Variants in SEMA5B observed in about 807,000 individuals in gnomAD.
SEMA5B encodes semaphorin-5B.
In SEMA5B, 66 loss-of-function variants were observed where a neutral mutation model predicts 135.0. That is an observed-to-expected ratio of 0.49 (90% CI 0.40 to 0.60). The LOEUF (loss-of-function observed/expected upper bound fraction) is 0.60. Ranked by LOEUF, SEMA5B falls within the 20% of genes least tolerant of loss-of-function variation. The pLI is 0.00. For missense variants in SEMA5B, 1,501 were observed against 1,566.3 expected, an observed-to-expected ratio of 0.96 and a Z score of 0.70; for synonymous variants, 690 against 639.5, an observed-to-expected ratio of 1.08 and a Z score of -1.19.
chr3:122,935,722 G>A lies in SEMA5B; in HGVS notation c.474+3703C>T, dbSNP rs374073659. ...TTTTTTTTTTTTTTGACAGATTCTC[G>A]CTTTGTTGCCCAGGCTGGGGTGCAG... On this transcript the variant is annotated intron_variant, in intron 5 of 22. Transcript: ENST00000357599. Among the ~76,000 whole-genome samples, 12 of 57,396 alleles carry A rather than the reference G, an allele frequency of 2.1e-4. 1 individual carries two copies. Among genetic ancestry groups the A allele is most frequent in the Admixed American group, 2.2e-4 (1 of 4,572 alleles). 37.7% of individuals were successfully genotyped at this position (57,396 alleles called of 152,430 possible).
chr3:123,009,428 A>T (rs893638912), intron 1 of SEMA5B, among the ~76,000 whole-genome samples: 73 of 152,262 alleles, frequency 4.8e-4, no homozygotes, highest in African/African-American at 1.5e-3. Context: ...AAACACAGAG[A>T]GTATAAAATG....
At chr3:122,967,230 G>A (rs1307576595) in intron 1 of SEMA5B, among the ~76,000 whole-genome samples, 1 of 152,138 alleles carries the variant, frequency 6.6e-6, no homozygotes, top group African/African-American at 2.4e-5. Flanking sequence ...ACAAATCTTG[G>A]AAGAATTATC....
At chr3:122,960,508 G>A (rs1940528159) in intron 2 of SEMA5B, among the ~76,000 whole-genome samples, 1 of 152,144 alleles carries the variant, frequency 6.6e-6, no homozygotes, top group African/African-American at 2.4e-5. Flanking sequence ...GGATATCGAA[G>A]AAATATTTGT....
intron 9 of SEMA5B, among the ~76,000 whole-genome samples, chr3:122,924,836 C>T (rs1055470653): frequency 1.3e-5 from 2 of 152,240 alleles, no homozygotes; most frequent in South Asian, 4.1e-4. Context: ...CTGATCACCA[C>T]TCCTCTATAC....
intron 1 of SEMA5B, among the ~76,000 whole-genome samples, chr3:123,006,950 G>T (rs964157123): frequency 2.6e-5 from 4 of 152,052 alleles, no homozygotes; most frequent in East Asian, 1.9e-4. Flanking sequence ...GCCTCTCTTT[G>T]CATCCCCGGT....
At chr3:122,948,317 C>G (rs977685444) in intron 3 of SEMA5B, among the ~76,000 whole-genome samples, 189 bp downstream of exon 3, 7 of 152,212 alleles carry the variant, frequency 4.6e-5, no homozygotes, top group African/African-American at 1.7e-4. Context: ...ACCCCTCCAG[C>G]CCATTGCTGC....
chr3:122,986,248 G>T (rs1018146502), intron 1 of SEMA5B, among the ~76,000 whole-genome samples: 2 of 152,196 alleles, frequency 1.3e-5, no homozygotes, highest in African/African-American at 4.8e-5. Context: ...CGAGACTTCT[G>T]AAAGGACAGG....
chr3:122,988,462 G>A (rs1158372205), intron 1 of SEMA5B, among the ~76,000 whole-genome samples: 2 of 152,204 alleles, frequency 1.3e-5, no homozygotes, highest in East Asian at 1.9e-4. Flanking sequence ...CTGGAGGGGC[G>A]GAATGGGAAA....
chr3:122,990,131 G>C (rs574620945), intron 1 of SEMA5B, among the ~76,000 whole-genome samples: 58 of 152,244 alleles, frequency 3.8e-4, no homozygotes, highest in Middle Eastern at 3.4e-3. Flanking sequence ...GTTGGTTTGT[G>C]GCACCTGGAG....
intron 1 of SEMA5B, among the ~76,000 whole-genome samples, chr3:122,980,748 C>T (rs927966706): frequency 6.6e-6 from 1 of 152,186 alleles, no homozygotes; most frequent in African/African-American, 2.4e-5. Context: ...TGTACTATCG[C>T]CACCATTCAT....
chr3:122,965,532 A>G (rs1043714895), intron 1 of SEMA5B, among the ~76,000 whole-genome samples: 9 of 152,216 alleles, frequency 5.9e-5, no homozygotes, highest in African/African-American at 2.2e-4. Context: ...TTTAACCATA[A>G]GACAAGAGAC....
At position 122,911,050 on chromosome 3, in the gene SEMA5B, G is replaced by C; in HGVS notation, c.3092-5C>G. ...CCAAGTGGATGAGATTGAACCCTAG[G>C]GGAAGAGAGGCAGGTAGTAAGATGA... On this transcript the variant is annotated splice_region_variant and splice_polypyrimidine_tract_variant and intron_variant, in intron 21 of 22. Transcript: ENST00000357599. The C allele has an allele frequency of 6.2e-7, 1 of 1,607,974 alleles. No homozygotes were observed. The highest frequency in any genetic ancestry group is 8.5e-7 in the Non-Finnish European group (1 of 1,175,784).
At chr3:122,994,358 G>A (rs1941972135) in intron 1 of SEMA5B, among the ~76,000 whole-genome samples, 1 of 152,172 alleles carries the variant, frequency 6.6e-6, no homozygotes, top group Non-Finnish European at 1.5e-5. Context: ...AGGAGGCCAG[G>A]ACCCCATCTA....
chr3:122,998,692 G>T (rs920570230), intron 1 of SEMA5B, among the ~76,000 whole-genome samples: 1 of 152,094 alleles, frequency 6.6e-6, no homozygotes, highest in Non-Finnish European at 1.5e-5. Context: ...CTGACTCCTG[G>T]CCTCCTTTAG....
intron 1 of SEMA5B, among the ~76,000 whole-genome samples, chr3:122,984,122 G>A (rs1335986956): frequency 2.0e-5 from 3 of 152,216 alleles, no homozygotes; most frequent in African/African-American, 7.2e-5. Context: ...AATTCTCCGA[G>A]TAACCTTCCT....
chr3:122,910,616 C>T lies in SEMA5B; in HGVS notation c.3297+224G>A, dbSNP rs372261863. Among the ~76,000 whole-genome samples the T allele has an allele frequency of 8.7e-4, 132 of 151,960 alleles. 2 individuals carry two copies. The East Asian group carries it at 0.022, about 25-fold the overall frequency. ...CGAGGTCAGGAGATCGAGACCATCCCGGCTAAAAACGGTGAAACCCCGTCT... is the reference window on the plus strand; with the variant it reads ...CGAGGTCAGGAGATCGAGACCATCCTGGCTAAAAACGGTGAAACCCCGTCT... On this transcript the variant is annotated intron_variant, in intron 22 of 22. Transcript: ENST00000357599.
At chr3:123,008,467 GC>G (rs1031368961) in intron 1 of SEMA5B, among the ~76,000 whole-genome samples, 4 of 152,156 alleles carry the variant, frequency 2.6e-5, no homozygotes, top group African/African-American at 9.7e-5. Flanking sequence ...AGGAGAAGGG[GC>G]CTCGTGCATC....
chr3:122,983,948 G>A (rs1365633349), intron 1 of SEMA5B, among the ~76,000 whole-genome samples: 1 of 152,056 alleles, frequency 6.6e-6, no homozygotes, highest in East Asian at 1.9e-4. Flanking sequence ...GGGAAAAGAG[G>A]AGGAAGGAGA....
intron 5 of SEMA5B, among the ~76,000 whole-genome samples, chr3:122,932,010 T>C (rs1371441781): frequency 6.6e-6 from 1 of 152,230 alleles, no homozygotes; most frequent in Non-Finnish European, 1.5e-5. Context: ...GTCAGATGTC[T>C]TTAACTGAAA....
Sources: gnomAD v4.1 joint callset for allele counts (sites outside exome capture counted in the v4.1 genomes callset) on GRCh38, gnomAD v4.1.1 for gene constraint, MANE v1.5 for transcripts, NCBI Gene and HGNC (gene_info 2026-07-23, HGNC 2026-07-21) for gene names.